The following PDE9A variants were observed in gnomAD, a reference collection of about 807,000 sequenced individuals.
The protein encoded by PDE9A is phosphodiesterase 9A, also known as high affinity cGMP-specific 3',5'-cyclic phosphodiesterase 9A.
A neutral mutation model predicts 87.4 loss-of-function variants in PDE9A; 60 were observed. The observed-to-expected ratio is 0.69, with a 90% CI of 0.56 to 0.85. PDE9A has a LOEUF of 0.85. Among genes scored for constraint, PDE9A ranks in the 40% least tolerant of loss-of-function variants. PDE9A has a pLI of 0.00. For missense variants in PDE9A, 665 were observed against 779.0 expected (o/e 0.85, Z 1.74); for synonymous variants, 272 against 279.4 (o/e 0.97, Z 0.27).
intron 3 of PDE9A, among the ~76,000 whole-genome samples, chr21:42,691,837 A>G (rs2059860214): frequency 6.6e-6 from 1 of 151,088 alleles, no homozygotes; most frequent in African/African-American, 2.4e-5. Context: ...ACCCATCACC[A>G]TCACCATCCA....
intron 4 of PDE9A, among the ~76,000 whole-genome samples, chr21:42,711,370 G>A (rs571697161): frequency 6.3e-4 from 96 of 151,764 alleles, no homozygotes; most frequent in East Asian, 3.9e-4. Context: ...CCTGCCTCAG[G>A]CTCCCGAGTA....
intron 4 of PDE9A, among the ~76,000 whole-genome samples, chr21:42,725,562 T>C (rs2050949530): frequency 6.6e-6 from 1 of 152,160 alleles, no homozygotes; most frequent in Non-Finnish European, 1.5e-5. Flanking sequence ...TGTATGATGT[T>C]GTCAATTCTG....
chr21:42,662,544 C>G (rs1282463190), intron 1 of PDE9A, among the ~76,000 whole-genome samples: 1 of 148,834 alleles, frequency 6.7e-6, no homozygotes, highest in Non-Finnish European at 1.5e-5. Flanking sequence ...CACACGTACA[C>G]ACCATGCACA....
rs2060023471 is a variant in PDE9A, at chr21:42,694,143, C to T, written c.219-4825C>T. Among the ~76,000 whole-genome samples the T allele has an allele frequency of 5.9e-5, 9 of 152,186 alleles. No individual in the cohort carries two copies. Among genetic ancestry groups the T allele is most frequent in the Admixed American group, 3.9e-4 (6 of 15,284 alleles). On this transcript the variant is annotated intron_variant, in intron 3 of 19. Transcript: ENST00000291539. The surrounding 1 kb of genome is among the most constrained non-coding windows in gnomAD (Gnocchi z 5.3). ...TGCTGGGTAAACTCTTTGTTTCTTC[C>T]TAGCAGACAGCAGCCCTCTCCCTCT...
rs539201359 is a variant in PDE9A, at chr21:42,654,861, T to C, written c.69+978T>C. ...TGGAAAGTACAGCCCTCTCCCACCG[T>C]AGCCCGCTTTGAGAGACTCAGATAA... On this transcript the variant is annotated intron_variant, in intron 1 of 19. Transcript: ENST00000291539. 9.2e-5 allele frequency among the ~76,000 whole-genome samples: 14 copies of C among 152,286 alleles called. No individual in the cohort carries two copies. The South Asian group carries it at 2.9e-3, about 32-fold the overall frequency.
Position 42,758,708 on chromosome 21 carries a change from C to T in PDE9A, c.811-291C>T, listed in dbSNP as rs549557450. The T allele has an allele frequency of 2.7e-5, 10 of 374,854 alleles. No individual in the cohort carries two copies. The South Asian group carries it at 3.8e-4, about 14-fold the overall frequency. The allele number at this position is 374,854 out of a possible 1,614,324, so 23.2% of individuals were successfully genotyped here. ...TCACCCGGTCGCTGTCCTAAGAATT[C>T]TCCTTGACTTCGGAACTGGCCCTCC... is the stretch of plus-strand genomic sequence containing the variant. On this transcript the variant is annotated intron_variant, in intron 10 of 19. Coordinates refer to ENST00000291539, the MANE Select transcript of PDE9A (RefSeq NM_002606.3).
intron 4 of PDE9A, among the ~76,000 whole-genome samples, chr21:42,726,610 A>ATTTT (rs2051090413): frequency 4.2e-5 from 1 of 23,628 alleles, no homozygotes; most frequent in African/African-American, 3.9e-4. Context: ...ATATATATAT[A>ATTTT]TATATATATA....
rs757443899 is a variant in PDE9A at position 42,722,687 on chromosome 21, G to A, written c.263-9083G>A. Among the ~76,000 whole-genome samples, 9 of 152,198 alleles carry A rather than the reference G, an allele frequency of 5.9e-5. No homozygotes were observed. Among genetic ancestry groups the A allele is most frequent in the Non-Finnish European group, 1.0e-4 (7 of 68,030 alleles). On this transcript the variant is annotated intron_variant, in intron 4 of 19. Transcript: ENST00000291539. The surrounding 1 kb of genome is among the most constrained non-coding windows in gnomAD (Gnocchi z 4.1). ...AGTACACATTCCCATCAGCTCAGGT[G>A]CGTGGAGGACGGAAGAACTGCTGTT... is the stretch of plus-strand genomic sequence containing the variant.
At chr21:42,687,109 T>C (rs1332344320) in intron 2 of PDE9A, among the ~76,000 whole-genome samples, 2 of 152,188 alleles carry the variant, frequency 1.3e-5, no homozygotes, top group African/African-American at 4.8e-5. Flanking sequence ...CAGCAAACTT[T>C]CCAAATGTAA....
chr21:42,685,401 G>GT (rs2059399416), intron 1 of PDE9A, among the ~76,000 whole-genome samples: 1 of 151,954 alleles, frequency 6.6e-6, no homozygotes, highest in South Asian at 2.1e-4. Flanking sequence ...CTGTTGTGAT[G>GT]TGATTCCCCT....
chr21:42,742,254 A>G (rs1325907999), intron 7 of PDE9A, among the ~76,000 whole-genome samples: 1 of 152,122 alleles, frequency 6.6e-6, no homozygotes, highest in Non-Finnish European at 1.5e-5. Context: ...TCATCAAGAC[A>G]GGGGAACTGC....
At position 42,723,905 on chromosome 21, in the gene PDE9A, G is replaced by A. The variant is rs943523252; in HGVS notation, c.263-7865G>A. ...AGACACTATCAACGTGAAATGACTT[G>A]AATAGGCTTTAATTTTTAAAATTCA... On this transcript the variant is annotated intron_variant, in intron 4 of 19. Coordinates refer to ENST00000291539, the MANE Select transcript of PDE9A (RefSeq NM_002606.3). The surrounding 1 kb of genome is among the most constrained non-coding windows in gnomAD (Gnocchi z 4.3). 1.3e-5 allele frequency among the ~76,000 whole-genome samples: 2 copies of A among 152,204 alleles called. No individual in the cohort carries two copies. Among genetic ancestry groups the A allele is most frequent in the African/African-American group, 4.8e-5 (2 of 41,448 alleles).
intron 1 of PDE9A, among the ~76,000 whole-genome samples, chr21:42,663,736 C>A (rs2057765658): frequency 7.2e-5 from 11 of 152,164 alleles, no homozygotes; most frequent in Admixed American, 7.2e-4. Flanking sequence ...TGCCCCATGT[C>A]CCTCAGCGCT....
Position 42,653,774 on chromosome 21 carries a change from A to G in PDE9A, c.-41A>G, listed in dbSNP as rs1601827264. ...GCCTCCCGCGGCGGCTGGCGTCGGG[A>G]AAGTACAGTAAAAAGTCCGAGTGCA... On this transcript the variant is annotated 5_prime_UTR_variant, in exon 1 of 20. Transcript: ENST00000291539. The G allele has an allele frequency of 8.7e-7, 1 of 1,146,448 alleles. No homozygotes were observed. The highest frequency in any genetic ancestry group is 1.1e-6 in the Non-Finnish European group (1 of 876,988). The allele number at this position is 1,146,448 out of a possible 1,614,324, so 71.0% of individuals were successfully genotyped here.
At chr21:42,743,896 T>A in intron 8 of PDE9A, 36 bp downstream of exon 8, 1 of 1,256,554 alleles carries the variant, frequency 8.0e-7, no homozygotes, top group Non-Finnish European at 1.1e-6. Context: ...CGGCCGGGCC[T>A]GGGGAGGGCT....
At chr21:42,689,215 A>G (rs1003257911) in intron 3 of PDE9A, among the ~76,000 whole-genome samples, 2 of 152,236 alleles carry the variant, frequency 1.3e-5, no homozygotes, top group Non-Finnish European at 2.9e-5. Flanking sequence ...GGACGTGTCC[A>G]GAGCTGTCCT....
chr21:42,771,478 A>G (rs1227971994), intron 18 of PDE9A, among the ~76,000 whole-genome samples: 2 of 152,188 alleles, frequency 1.3e-5, no homozygotes, highest in African/African-American at 2.4e-5. Flanking sequence ...CCAGGCAGCT[A>G]GAACAGTCTT....
chr21:42,673,341 A>G (rs1338448253), intron 1 of PDE9A, among the ~76,000 whole-genome samples: 12 of 152,126 alleles, frequency 7.9e-5, no homozygotes, highest in African/African-American at 2.9e-4. Context: ...AATGGCACGG[A>G]CCCAGCCAAG....
At position 42,722,926 on chromosome 21, in the gene PDE9A, G is replaced by A. The variant is rs1056059932; in HGVS notation, c.263-8844G>A. ...TAAACAATTCCTGGAAGAAGTGGGC[G>A]AGGCAGAGGCTTGAACTATCCACTC... On this transcript the variant is annotated intron_variant, in intron 4 of 19. Coordinates refer to ENST00000291539, the MANE Select transcript of PDE9A (RefSeq NM_002606.3). This position sits in a 1 kb window ranked among gnomAD's most constrained non-coding sequence, Gnocchi z 4.1. Among the ~76,000 whole-genome samples the A allele has an allele frequency of 7.2e-5, 11 of 152,376 alleles. No individual in the cohort carries two copies. The East Asian group carries it at 9.6e-4, about 13-fold the overall frequency.
Sources: allele counts gnomAD v4.1 joint callset (sites outside exome capture counted in the v4.1 genomes callset), GRCh38; gene constraint gnomAD v4.1.1; non-coding constraint Gnocchi (gnomAD v3.1); transcripts MANE v1.5; gene names NCBI Gene and HGNC (gene_info 2026-07-23, HGNC 2026-07-21).